The following SRGAP3 variants were observed in gnomAD, a reference collection of about 807,000 sequenced individuals.
The protein encoded by SRGAP3 is SLIT-ROBO Rho GTPase activating protein 3, also known as SLIT-ROBO Rho GTPase-activating protein 3.
In SRGAP3, 39 loss-of-function variants were observed where a neutral mutation model predicts 121.1. The observed-to-expected ratio is 0.32, with a 90% confidence interval of 0.25 to 0.42. The LOEUF is 0.42. Ranked by LOEUF, SRGAP3 falls within the 10% of genes least tolerant of loss-of-function variation. The pLI is 1.00. For synonymous variants in SRGAP3, 601 were observed against 570.0 expected (o/e 1.05, Z -0.77); for missense variants, 1,213 against 1,470.6 (o/e 0.82, Z 2.86).
rs765554207 is a variant in SRGAP3 at position 8,982,063 on chromosome 3, GA to G, written c.*3455del. 1.3e-5 allele frequency: 3 copies of G among 226,548 alleles called. No homozygotes were observed. The highest frequency in any genetic ancestry group is 2.2e-5 in the African/African-American group (1 of 44,964). The allele number at this position is 226,548 out of a possible 1,614,324, so 14.0% of individuals were successfully genotyped here. Reference sequence around the variant, plus strand: ...AAAGGGGACGGGGAGAGTGGGGTAGGAAGCACAGCTTGTTCTCAATTTTATC... The same window carrying G: ...AAAGGGGACGGGGAGAGTGGGGTAGGAGCACAGCTTGTTCTCAATTTTATC... On this transcript the variant is annotated 3_prime_UTR_variant, in exon 22 of 22. Transcript: ENST00000383836.
Position 9,013,544 on chromosome 3 carries a change from G to A in SRGAP3, c.1920-9C>T, listed in dbSNP as rs1401870937. 6.2e-7 allele frequency: 1 copy of A among 1,613,796 alleles called. No individual in the cohort carries two copies. The highest frequency in any genetic ancestry group is 8.5e-7 in the Non-Finnish European group (1 of 1,179,902). On this transcript the variant is annotated splice_polypyrimidine_tract_variant and intron_variant, in intron 16 of 21. Coordinates refer to ENST00000383836, the MANE Select transcript of SRGAP3 (RefSeq NM_014850.4). ...CGCTATACTGGGAGAGGCTAGGAGA[G>A]AGGAGTTACCCACAAGTCATCTGGG...
intron 1 of SRGAP3, among the ~76,000 whole-genome samples, chr3:9,233,710 G>T (rs1208649460): frequency 6.6e-6 from 1 of 152,156 alleles, no homozygotes; most frequent in Non-Finnish European, 1.5e-5. Context: ...ATCAGTATCA[G>T]TAAATCACCC....
chr3:9,075,397 G>GCA (rs1369883101), intron 4 of SRGAP3, among the ~76,000 whole-genome samples: 1 of 150,884 alleles, frequency 6.6e-6, no homozygotes, highest in African/African-American at 2.4e-5. Flanking sequence ...GTGTGCGCGC[G>GCA]CACATATGTG....
intron 10 of SRGAP3, 101 bp from the exon 11 acceptor site, chr3:9,038,191 T>G: frequency 6.8e-7 from 1 of 1,477,550 alleles, no homozygotes; most frequent in Non-Finnish European, 9.3e-7. Context: ...TCTTAATTAT[T>G]TATGAAATAT....
At chr3:9,199,888 C>T (rs1186292851) in intron 1 of SRGAP3, among the ~76,000 whole-genome samples, 2 of 152,120 alleles carry the variant, frequency 1.3e-5, no homozygotes, top group African/African-American at 2.4e-5. Flanking sequence ...GAGACAGACA[C>T]CATTGAGCTC....
rs386395913 is a variant in SRGAP3 at position 9,257,698 on chromosome 3, CTTTTTTTTTTTTT to C, written n.442+68299_442+68311del. 2.7e-5 allele frequency among the ~76,000 whole-genome samples: 2 copies of C among 73,202 alleles called. 1 individual carries two copies. Among genetic ancestry groups the C allele is most frequent in the Non-Finnish European group, 5.0e-5 (2 of 39,864 alleles). The allele number at this position is 73,202 out of a possible 152,430, so 48.0% of individuals were successfully genotyped here. ...ACTCACTCATTAAACAAAATAGCTCCTTTTTTTTTTTTTTTTTTTTTTTTTTGAGACAGTCTCA... is the reference window on the plus strand; with the variant it reads ...ACTCACTCATTAAACAAAATAGCTCCTTTTTTTTTTTTTGAGACAGTCTCA... On this transcript the variant is annotated intron_variant and non_coding_transcript_variant, in intron 3 of 3. Coordinates refer to the SRGAP3 transcript ENST00000490889.
chr3:9,084,935 A>G (rs1164786205), intron 3 of SRGAP3, among the ~76,000 whole-genome samples: 1 of 152,174 alleles, frequency 6.6e-6, no homozygotes. Context: ...AGAGGGGATG[A>G]CTTTGGGGGC....
At chr3:9,016,147 TAAGA>T (rs373953768) in intron 14 of SRGAP3, among the ~76,000 whole-genome samples, 2 of 152,298 alleles carry the variant, frequency 1.3e-5, no homozygotes, top group East Asian at 3.9e-4. Context: ...TTATTACACC[TAAGA>T]AAATTAACCA....
intron 1 of SRGAP3, among the ~76,000 whole-genome samples, chr3:9,229,937 C>T (rs1296347444): frequency 1.3e-5 from 2 of 152,138 alleles, no homozygotes; most frequent in Non-Finnish European, 2.9e-5. Context: ...TGTGTCTATT[C>T]TGGCCTGAAT....
chr3:9,039,576 AGAATTCAGTTT>A (rs1396604341), intron 10 of SRGAP3, among the ~76,000 whole-genome samples: 4 of 152,242 alleles, frequency 2.6e-5, no homozygotes, highest in African/African-American at 9.6e-5. Context: ...AACCCTCACC[AGAATTCAGTTT>A]GAAAATATTT....
rs187531582 is a variant in SRGAP3, at chr3:9,155,135, C to A, written c.68-30218G>T. On this transcript the variant is annotated intron_variant, in intron 1 of 21. Coordinates refer to ENST00000383836, the MANE Select transcript of SRGAP3 (RefSeq NM_014850.4). ...TCTTCTTTTTGTATATTTGAAAGTG[C>A]CTTTATAGCATCCTCACTCCCGAGT... is the stretch of plus-strand genomic sequence containing the variant. 1.6e-3 allele frequency among the ~76,000 whole-genome samples: 242 copies of A among 152,024 alleles called. 1 individual carries two copies. Among genetic ancestry groups the A allele is most frequent in the African/African-American group, 5.6e-3 (233 of 41,454 alleles).
chr3:9,226,663 A>G (rs1416317722), intron 1 of SRGAP3, among the ~76,000 whole-genome samples: 1 of 152,194 alleles, frequency 6.6e-6, no homozygotes, highest in Non-Finnish European at 1.5e-5. Flanking sequence ...ACCTCTCCCC[A>G]GTCTACAGAC....
intron 1 of SRGAP3, among the ~76,000 whole-genome samples, chr3:9,138,375 C>A (rs1215462537): frequency 6.6e-6 from 1 of 152,138 alleles, no homozygotes; most frequent in Non-Finnish European, 1.5e-5. Flanking sequence ...TACCTAGATT[C>A]TGTAGTCTGA....
intron 1 of SRGAP3, chr3:9,194,251 C>G (rs1422029678): frequency 1.3e-5 from 2 of 152,240 alleles, no homozygotes; most frequent in East Asian, 3.9e-4. Flanking sequence ...AAAGCACAAG[C>G]CAAGTGGGGC....
chr3:9,071,540 T>C (rs1030253096), intron 4 of SRGAP3, among the ~76,000 whole-genome samples: 1 of 152,060 alleles, frequency 6.6e-6, no homozygotes, highest in Admixed American at 6.5e-5. Context: ...TTTGCAGTGC[T>C]AGGGACCATT....
intron 1 of SRGAP3, among the ~76,000 whole-genome samples, chr3:9,221,100 G>C (rs1414422227): frequency 6.7e-6 from 1 of 149,518 alleles, no homozygotes; most frequent in Non-Finnish European, 1.5e-5. Context: ...TAGAGCTGAG[G>C]GTCTTTCCCC....
intron 3 of SRGAP3, chr3:9,081,222 T>G (rs1560101362): frequency 2.2e-6 from 1 of 456,644 alleles, no homozygotes. Context: ...CCCTCCCCAG[T>G]GCTGGTCCCC....
At chr3:8,998,285 G>T (rs1197343395) in intron 18 of SRGAP3, among the ~76,000 whole-genome samples, 1 of 152,144 alleles carries the variant, frequency 6.6e-6, no homozygotes, top group African/African-American at 2.4e-5. Context: ...CTTTCTCCCA[G>T]ATCTTTGCAT....
At chr3:9,014,636 C>T (rs1943541508) in intron 15 of SRGAP3, 1 of 152,638 alleles carries the variant, frequency 6.6e-6, no homozygotes, top group African/African-American at 2.4e-5. Context: ...GTCTAGAATA[C>T]AGCTTGTAGT....
Sources: allele counts gnomAD v4.1 joint callset (sites outside exome capture counted in the v4.1 genomes callset), GRCh38; gene constraint gnomAD v4.1.1; transcripts MANE v1.5; gene names NCBI Gene and HGNC (gene_info 2026-07-23, HGNC 2026-07-21).